Variants in CD84 observed in about 807,000 individuals in gnomAD.
The protein encoded by CD84 is SLAM family member 5.
CD84 carries 22 observed loss-of-function variants against 33.8 expected under a neutral mutation model. That is an observed-to-expected ratio of 0.65 (90% CI 0.46 to 0.93). The LOEUF is 0.93. Among genes scored for constraint, CD84 ranks in the 40% least tolerant of loss-of-function variants. The pLI is 0.00. For missense variants in CD84, 400 were observed against 397.6 expected (o/e 1.01, Z -0.05); for synonymous variants, 154 against 145.2 (o/e 1.06, Z -0.44).
At chr1:160,564,488 T>C (rs1375827268) in intron 2 of CD84, among the ~76,000 whole-genome samples, 3 of 152,222 alleles carry the variant, frequency 2.0e-5, no homozygotes, top group Non-Finnish European at 4.4e-5. Context: ...TTATTTGTAA[T>C]AGCCCCAAAC....
At chr1:160,560,117 C>T (rs529206189) in intron 2 of CD84, among the ~76,000 whole-genome samples, 11 of 152,078 alleles carry the variant, frequency 7.2e-5, no homozygotes, top group Non-Finnish European at 1.3e-4. Context: ...ATATTCAGAA[C>T]CTAAACTCAG....
chr1:160,559,168 G>A (rs566896450), intron 2 of CD84, among the ~76,000 whole-genome samples: 1 of 152,178 alleles, frequency 6.6e-6, no homozygotes, highest in Non-Finnish European at 1.5e-5. Flanking sequence ...TCAACCCCAG[G>A]ACACGTAATC....
At position 160,553,451 on chromosome 1, in the gene CD84, C is replaced by A. The variant is rs1656379515; in HGVS notation, c.687G>T (p.Val229=). The change falls in exon 4 of 7, where the codon GTG becomes GTT. Residue 229 remains valine, a synonymous_variant. Transcript: ENST00000368054. ...GAACAAGCAGAAAGAACATAGCCAGCACGCTCAGCAACCCGGTGTGGTGAG... is the reference window on the plus strand; with the variant it reads ...GAACAAGCAGAAAGAACATAGCCAGAACGCTCAGCAACCCGGTGTGGTGAG... ...FRTHHTGLLS[V]LAMFFLLVLI... 1 of 1,613,924 alleles carries A rather than the reference C, an allele frequency of 6.2e-7. No individual in the cohort carries two copies.
chr1:160,573,151 A>C (rs910780098), intron 1 of CD84, among the ~76,000 whole-genome samples: 1 of 152,204 alleles, frequency 6.6e-6, no homozygotes, highest in Non-Finnish European at 1.5e-5. Context: ...TATTTGAAAA[A>C]ACAAAAAACA....
intron 1 of CD84, among the ~76,000 whole-genome samples, chr1:160,570,134 C>G (rs1657600509): frequency 6.6e-6 from 1 of 151,880 alleles, no homozygotes. Flanking sequence ...CAAAGAAAGG[C>G]AAGAAATAAA....
At chr1:160,550,028 C>T (rs1355955376) in intron 5 of CD84, 49 bp from the exon 6 acceptor site, 2 of 1,000,230 alleles carry the variant, frequency 2.0e-6, no homozygotes, top group Non-Finnish European at 3.1e-6. Context: ...GGCCCATCTA[C>T]AAGTCCCCTT....
At chr1:160,566,097 C>CAT (rs2102182761) in intron 1 of CD84, among the ~76,000 whole-genome samples, 1 of 152,312 alleles carries the variant, frequency 6.6e-6, no homozygotes, top group South Asian at 2.1e-4. Flanking sequence ...TTCCCAAGAT[C>CAT]ATATTGCCAA....
chr1:160,569,672 T>A (rs1347345839), intron 1 of CD84, among the ~76,000 whole-genome samples: 1 of 152,100 alleles, frequency 6.6e-6, no homozygotes, highest in African/African-American at 2.4e-5. Context: ...TGAGCTGTAG[T>A]GGTTAGAAAA....
At chr1:160,579,354 G>A (rs757754926) in intron 1 of CD84, 38 bp downstream of exon 1, 7 of 1,612,572 alleles carry the variant, frequency 4.3e-6, no homozygotes, top group Non-Finnish European at 5.1e-6. Context: ...AAAACTTTAT[G>A]GAAAACTAGG....
At chr1:160,554,780 C>T (rs1397324021) in intron 2 of CD84, among the ~76,000 whole-genome samples, 1 of 152,048 alleles carries the variant, frequency 6.6e-6, no homozygotes, top group Non-Finnish European at 1.5e-5. Context: ...TGGAACTATA[C>T]TCATACATCA....
At chr1:160,561,656 T>C (rs1656976436) in intron 2 of CD84, among the ~76,000 whole-genome samples, 1 of 152,156 alleles carries the variant, frequency 6.6e-6, no homozygotes, top group Non-Finnish European at 1.5e-5. Context: ...TTGAAAGTTC[T>C]GGCAAGAGCA....
At chr1:160,574,262 C>T (rs1657867662) in intron 1 of CD84, among the ~76,000 whole-genome samples, 1 of 151,822 alleles carries the variant, frequency 6.6e-6, no homozygotes, top group Non-Finnish European at 1.5e-5. Context: ...TGTGAAAGGT[C>T]AAGTATTTAA....
chr1:160,575,907 T>A (rs1657970377), intron 1 of CD84, among the ~76,000 whole-genome samples: 1 of 152,150 alleles, frequency 6.6e-6, no homozygotes, highest in Non-Finnish European at 1.5e-5. Context: ...CTCCGCTGCC[T>A]TCCACTGAAG....
intron 1 of CD84, among the ~76,000 whole-genome samples, chr1:160,567,631 G>A (rs1336274620): frequency 6.6e-6 from 1 of 152,142 alleles, no homozygotes; most frequent in Non-Finnish European, 1.5e-5. Flanking sequence ...AAATAAGACA[G>A]ATGTGGTCAC....
Position 160,543,542 on chromosome 1 carries a change from C to CA in CD84, c.*4713dup, listed in dbSNP as rs2102103547. 1 of 151,722 alleles carries CA rather than the reference C, an allele frequency of 6.6e-6. No homozygotes were observed. Among genetic ancestry groups the CA allele is most frequent in the South Asian group, 2.1e-4 (1 of 4,816 alleles). 9.4% of individuals were successfully genotyped at this position (151,722 alleles called of 1,614,324 possible). ...AGCATCTAGTTTAGCAGTTGGTATA[C>CA]AAAATAAGCCCTCAATGATTCTTAC... On this transcript the variant is annotated 3_prime_UTR_variant, in exon 7 of 7. Transcript: ENST00000368054.
Position 160,549,930 on chromosome 1 carries a change from T to C in CD84, c.908A>G (p.Gln303Arg). 1 of 1,612,358 alleles carries C rather than the reference T, an allele frequency of 6.2e-7. No homozygotes were observed. Among genetic ancestry groups the C allele is most frequent in the Non-Finnish European group, 8.5e-7 (1 of 1,178,464 alleles). The change falls in exon 6 of 7, where the codon CAG (glutamine) becomes CGG (arginine). Residue 303 changes from glutamine to arginine, a missense_variant. Physicochemically the swap from Gln to Arg is conservative, Grantham distance 43. Transcript: ENST00000368054. ...GAAAGGGGTTACCTTATCAGCAAAC[T>C]GCACTTCGGAATAAACTGTGTTCAC... ...EPVNTVYSEV[Q>R]FADKMGKAST...
At position 160,548,114 on chromosome 1, in the gene CD84, G is replaced by T. The variant is rs1284674788; in HGVS notation, c.*142C>A. The T allele has an allele frequency of 1.2e-6, 1 of 810,782 alleles. No individual in the cohort carries two copies. The highest frequency in any genetic ancestry group is 2.6e-5 in the East Asian group (1 of 37,836). 50.2% of individuals were successfully genotyped at this position (810,782 alleles called of 1,614,324 possible). A position where few individuals can be genotyped will look rare whatever the true frequency, so the allele number is the denominator to read the frequency against. On this transcript the variant is annotated 3_prime_UTR_variant, in exon 7 of 7. Coordinates refer to ENST00000368054, the MANE Select transcript of CD84 (RefSeq NM_003874.4). ...AGGCACAAGCTATGCCCAGCAGAAG[G>T]TTTCCTGCTTTGCTTACAGGCTGAG...
chr1:160,576,909 A>T (rs531010419), intron 1 of CD84, among the ~76,000 whole-genome samples: 5 of 152,302 alleles, frequency 3.3e-5, no homozygotes, highest in African/African-American at 9.6e-5. Context: ...GAGTTGAAGA[A>T]ATAGAAATAC....
At position 160,544,181 on chromosome 1, in the gene CD84, A is replaced by C. The variant is rs1175664937; in HGVS notation, c.*4075T>G. On this transcript the variant is annotated 3_prime_UTR_variant, in exon 7 of 7. Coordinates refer to ENST00000368054, the MANE Select transcript of CD84 (RefSeq NM_003874.4). ...TTTTTTTTTTTTGAGACGGAGTCTCACTCTCTCGCCCAGGCTGGAGTGCAG... is the reference window on the plus strand; with the variant it reads ...TTTTTTTTTTTTGAGACGGAGTCTCCCTCTCTCGCCCAGGCTGGAGTGCAG... 2.5e-5 allele frequency: 3 copies of C among 119,868 alleles called. No homozygotes were observed. Among genetic ancestry groups the C allele is most frequent in the Admixed American group, 1.1e-4 (1 of 8,998 alleles). The allele number at this position is 119,868 out of a possible 1,614,324, so 7.4% of individuals were successfully genotyped here. A position where few individuals can be genotyped will look rare whatever the true frequency, so the allele number is the denominator to read the frequency against.
Sources: allele counts gnomAD v4.1 joint callset (sites outside exome capture counted in the v4.1 genomes callset), GRCh38; gene constraint gnomAD v4.1.1; transcripts MANE v1.5; gene names NCBI Gene and HGNC (gene_info 2026-07-23, HGNC 2026-07-21).